The following LOXHD1 variants were observed in gnomAD, a reference collection of about 807,000 sequenced individuals.
LOXHD1 encodes lipoxygenase homology PLAT domains 1, also known as lipoxygenase homology domain-containing protein 1.
In LOXHD1, 205 loss-of-function variants were observed where a neutral mutation model predicts 248.2. That is an observed-to-expected ratio of 0.83 (90% confidence interval 0.74 to 0.93). The LOEUF is 0.93. LOXHD1 is among the 40% of genes least tolerant of loss of function. The pLI is 0.00. For missense variants in LOXHD1, 2,930 were observed against 2,971.6 expected, an observed-to-expected ratio of 0.99 and a Z score of 0.33; for synonymous variants, 1,113 against 1,162.8, an observed-to-expected ratio of 0.96 and a Z score of 0.87.
intron 34 of LOXHD1, among the ~76,000 whole-genome samples, chr18:46,512,226 A>C (rs2143998400): frequency 6.6e-6 from 1 of 152,262 alleles, no homozygotes; most frequent in Non-Finnish European, 1.5e-5. Context: ...TTTTAAACTG[A>C]AGACTGGCCT....
In LOXHD1 at chr18:46,630,582, G is replaced by A. The variant is rs539926272; in HGVS notation, c.511+9034C>T. On this transcript the variant is annotated intron_variant, in intron 4 of 40. Coordinates refer to ENST00000642948, the MANE Select transcript of LOXHD1 (RefSeq NM_001384474.1). ...AGGCCTTGCCTAACTCAGATGTCTC[G>A]CCCAACCTCATTCTTCAATACTGCC... 4.3e-4 allele frequency among the ~76,000 whole-genome samples: 65 copies of A among 152,274 alleles called. No individual in the cohort carries two copies. The South Asian group carries it at 0.014, about 32-fold the overall frequency.
At chr18:46,560,048 T>TG in intron 19 of LOXHD1, 35 bp downstream of exon 19, 152 of 1,226,198 alleles carry the variant, frequency 1.2e-4, no homozygotes, top group Non-Finnish European at 1.6e-4. Flanking sequence ...GTCTGGCCAC[T>TG]CCCTCCCCAC....
intron 25 of LOXHD1, among the ~76,000 whole-genome samples, chr18:46,539,212 G>T (rs1203207157): frequency 6.6e-6 from 1 of 152,182 alleles, no homozygotes; most frequent in Non-Finnish European, 1.5e-5. Context: ...TGTAATCCCA[G>T]AACTTTGGGA....
rs559560065 is a variant in LOXHD1 at position 46,489,036 on chromosome 18, G to C, written c.5985C>G (p.Asp1995Glu). ...AGGCAAAGTCGCGGACCGTCTGCCCGTCACCCTCACTCTTGGAGAGCCAGC... is the reference window on the plus strand; with the variant it reads ...AGGCAAAGTCGCGGACCGTCTGCCCCTCACCCTCACTCTTGGAGAGCCAGC... ...CDCWLSKSEG[D>E]GQTVRDFACA... Residue 1995 changes from aspartate (D) to glutamate (E), a missense_variant, in exon 38 of 41, where the codon GAC becomes GAG. Asp to Glu is a conservative substitution (Grantham distance 45, BLOSUM62 2). Coordinates refer to ENST00000642948, the MANE Select transcript of LOXHD1 (RefSeq NM_001384474.1). The C allele has an allele frequency of 2.3e-5, 36 of 1,551,602 alleles. No homozygotes were observed. In the South Asian group the frequency reaches 4.0e-4, roughly 17 times the overall value.
At chr18:46,525,181 C>G (rs886938601) in intron 29 of LOXHD1, among the ~76,000 whole-genome samples, 1 of 152,168 alleles carries the variant, frequency 6.6e-6, no homozygotes, top group South Asian at 2.1e-4. Context: ...TTGGGAGAAG[C>G]CTGTGGGTGT....
Position 46,592,012 on chromosome 18 carries a change from C to T in LOXHD1, c.1575G>A (p.Trp525Ter), listed in dbSNP as rs1467871462. 6.4e-7 allele frequency: 1 copy of T among 1,552,122 alleles called. No homozygotes were observed. The highest frequency in any genetic ancestry group is 8.7e-7 in the Non-Finnish European group (1 of 1,147,098). Residue 525 changes from tryptophan to a stop codon, truncating the protein, a stop_gained, in exon 12 of 41, where the codon TGG becomes TGA. Coordinates refer to ENST00000642948, the MANE Select transcript of LOXHD1 (RefSeq NM_001384474.1). LOFTEE classifies it high-confidence loss of function. ...CATTGTCATCCTCATTGGCATCCAG[C>T]CAGCGGTTGCAATTGAAGTTGTACT... The part of the protein sequence containing the change: ...KDKYNFNCNR[W>*]LDANEDDNEI...
At chr18:46,630,956 A>G (rs2038812726) in intron 4 of LOXHD1, among the ~76,000 whole-genome samples, 1 of 152,108 alleles carries the variant, frequency 6.6e-6, no homozygotes, top group Non-Finnish European at 1.5e-5. Flanking sequence ...GAGTCACATA[A>G]TTACCAAAGT....
At chr18:46,563,329 CT>C in intron 17 of LOXHD1, 104 bp from the exon 18 acceptor site, 1 of 1,166,150 alleles carries the variant, frequency 8.6e-7, no homozygotes, top group Non-Finnish European at 1.2e-6. Flanking sequence ...GTGCCTGGCG[CT>C]TTACAGTCAT....
Position 46,483,583 on chromosome 18 carries a change from A to G in LOXHD1, c.6341+4T>C. 2.6e-6 allele frequency: 4 copies of G among 1,551,274 alleles called. No homozygotes were observed. The highest frequency in any genetic ancestry group is 1.4e-5 in the African/African-American group (1 of 73,006). On this transcript the variant is annotated splice_donor_region_variant and intron_variant, in intron 40 of 40. Transcript: ENST00000642948. ...ACTTCCTTGGGGAGAGGCTCAGTACATACACATTGCCGTACTCCATCTCGG... is the reference window on the plus strand; with the variant it reads ...ACTTCCTTGGGGAGAGGCTCAGTACGTACACATTGCCGTACTCCATCTCGG...
Position 46,541,827 on chromosome 18 carries a change from T to C in LOXHD1, c.3862A>G (p.Ile1288Val). 1 of 1,551,716 alleles carries C rather than the reference T, an allele frequency of 6.4e-7. No individual in the cohort carries two copies. The highest frequency in any genetic ancestry group is 8.7e-7 in the Non-Finnish European group (1 of 1,146,990). ...TCTGCATGGAAGAGGTCTCTGATGA[T>C]GGACCCGTCGTCTTCGTTTTTGGCC... ...WLAKNEDDGS[I>V]IRDLFHAELQ... Residue 1288 changes from isoleucine to valine, a missense_variant, in exon 25 of 41, where the codon ATC becomes GTC. Ile to Val is a conservative substitution (Grantham distance 29, BLOSUM62 3). Coordinates refer to ENST00000642948, the MANE Select transcript of LOXHD1 (RefSeq NM_001384474.1).
chr18:46,637,676 G>C (rs2038910388), intron 4 of LOXHD1, among the ~76,000 whole-genome samples: 2 of 151,832 alleles, frequency 1.3e-5, no homozygotes, highest in African/African-American at 2.4e-5. Flanking sequence ...TATGAAAAAA[G>C]TTCAACCTCA....
At position 46,592,062 on chromosome 18, in the gene LOXHD1, G is replaced by A; in HGVS notation, c.1525C>T (p.Leu509=). The stretch of plus-strand genomic sequence containing the variant: ...TTGTCTTTGTTCAGAGTGTTCATCA[G>A]GGTCATCTGGAATGAAGTTCTGGGG... ...GSGWHLERMT[L]MNTLNKDKYN... is the part of the protein sequence containing the mutation. Residue 509 remains leucine, a synonymous_variant, in exon 12 of 41, where the codon CTG becomes TTG. Transcript: ENST00000642948. The A allele has an allele frequency of 6.4e-7, 1 of 1,552,250 alleles. No homozygotes were observed. Among genetic ancestry groups the A allele is most frequent in the Non-Finnish European group, 8.7e-7 (1 of 1,147,072 alleles).
At chr18:46,637,668 T>C (rs1018631323) in intron 4 of LOXHD1, among the ~76,000 whole-genome samples, 7 of 151,958 alleles carry the variant, frequency 4.6e-5, no homozygotes, top group African/African-American at 1.7e-4. Context: ...AATAAATGTA[T>C]GAAAAAAGTT....
At chr18:46,629,860 C>A (rs1439652484) in intron 4 of LOXHD1, among the ~76,000 whole-genome samples, 1 of 151,564 alleles carries the variant, frequency 6.6e-6, no homozygotes, top group East Asian at 1.9e-4. Context: ...GAATGGGAGT[C>A]CAGATGTAAA....
At chr18:46,639,324 A>G (rs1172131937) in intron 4 of LOXHD1, among the ~76,000 whole-genome samples, 1 of 152,218 alleles carries the variant, frequency 6.6e-6, no homozygotes, top group East Asian at 1.9e-4. Context: ...CCCCATCAAC[A>G]AGAATCATTG....
rs1175936301 is a variant in LOXHD1, at chr18:46,656,977, G to T, written c.57C>A (p.Tyr19Ter). The change falls in exon 1 of 41, where the codon TAC becomes TAA. Residue 19 changes from tyrosine to a stop codon, truncating the protein, a stop_gained. Coordinates refer to ENST00000642948, the MANE Select transcript of LOXHD1 (RefSeq NM_001384474.1). LOFTEE classifies it high-confidence loss of function. ...AGGCGTAGTTCAGCAGCTCCGCTTCGTACAGGGCCAGGAAGTCGATGTCCT... is the reference window on the plus strand; with the variant it reads ...AGGCGTAGTTCAGCAGCTCCGCTTCTTACAGGGCCAGGAAGTCGATGTCCT... ...RKKDIDFLAL[Y>*]EAELLNYASE... The T allele has an allele frequency of 6.4e-7, 1 of 1,551,640 alleles. No homozygotes were observed. Among genetic ancestry groups the T allele is most frequent in the Admixed American group, 2.0e-5 (1 of 51,002 alleles).
intron 1 of LOXHD1, among the ~76,000 whole-genome samples, chr18:46,650,191 C>G (rs1439990783): frequency 6.6e-6 from 1 of 152,162 alleles, no homozygotes; most frequent in Non-Finnish European, 1.5e-5. Flanking sequence ...TTGTCCCCAG[C>G]TCATTCCATT....
intron 15 of LOXHD1, among the ~76,000 whole-genome samples, chr18:46,571,185 C>G (rs752226597): frequency 6.6e-6 from 1 of 152,170 alleles, no homozygotes; most frequent in Non-Finnish European, 1.5e-5. Context: ...ATATCTTTAG[C>G]TGCCGGGTGC....
At chr18:46,635,719 G>GT (rs1232204071) in intron 4 of LOXHD1, among the ~76,000 whole-genome samples, 3 of 152,130 alleles carry the variant, frequency 2.0e-5, no homozygotes, top group Admixed American at 6.5e-5. Context: ...AATGATAACA[G>GT]TTTTTTATGA....
Sources: gnomAD v4.1 joint callset for allele counts (sites outside exome capture counted in the v4.1 genomes callset) on GRCh38, gnomAD v4.1.1 for gene constraint, MANE v1.5 for transcripts, NCBI Gene and HGNC (gene_info 2026-07-23, HGNC 2026-07-21) for gene names.